The following ARB2A variants were observed in gnomAD, a reference collection of about 807,000 sequenced individuals.
ARB2A encodes the protein ARB2 cotranscriptional regulator A.
the ARB2A span, chr5:93,862,509 T>C: frequency 6.6e-6 from 1 of 152,204 alleles, no homozygotes; most frequent in African/African-American, 2.4e-5. Context: ...TAATTAGATA[T>C]CTACTTTGGG....
At chr5:93,936,006 T>C in the ARB2A span, among the ~76,000 whole-genome samples, 1 of 152,202 alleles carries the variant, frequency 6.6e-6, no homozygotes, top group African/African-American at 2.4e-5. Flanking sequence ...AATTGATACT[T>C]CTGTTAGTAA....
chr5:93,855,031 T>C, the ARB2A span, among the ~76,000 whole-genome samples: 5 of 152,168 alleles, frequency 3.3e-5, 1 homozygote, highest in African/African-American at 1.2e-4. Flanking sequence ...TTCTGTCTTG[T>C]TGATATGTCT....
the ARB2A span, among the ~76,000 whole-genome samples, chr5:93,627,305 TC>T: frequency 6.6e-6 from 1 of 152,118 alleles, no homozygotes; most frequent in South Asian, 2.1e-4. Flanking sequence ...TATTCTGACC[TC>T]CTCCCATGAA....
At chr5:93,919,633 A>G in the ARB2A span, among the ~76,000 whole-genome samples, 4 of 152,206 alleles carry the variant, frequency 2.6e-5, no homozygotes, top group African/African-American at 9.6e-5. Context: ...GAACATTAGT[A>G]TAATTTCTAG....
chr5:93,963,121 T>A, the ARB2A span, among the ~76,000 whole-genome samples: 1 of 151,908 alleles, frequency 6.6e-6, no homozygotes, highest in Non-Finnish European at 1.5e-5. Flanking sequence ...CTGAAAGAAA[T>A]AAAATTAACA....
chr5:93,775,499 T>G, the ARB2A span, among the ~76,000 whole-genome samples: 1 of 152,194 alleles, frequency 6.6e-6, no homozygotes, highest in African/African-American at 2.4e-5. Flanking sequence ...ATACAAAGCC[T>G]TTAGGCTGGA....
At chr5:94,094,981 C>T in the ARB2A span, among the ~76,000 whole-genome samples, 4 of 152,176 alleles carry the variant, frequency 2.6e-5, no homozygotes, top group African/African-American at 9.7e-5. Flanking sequence ...CTCCCCATGA[C>T]GTCATGATCA....
chr5:93,810,035 GCA>G, the ARB2A span, among the ~76,000 whole-genome samples: 102 of 151,976 alleles, frequency 6.7e-4, 1 homozygote, highest in Non-Finnish European at 2.4e-4. Flanking sequence ...GCTTTTAAAA[GCA>G]CATTTTCAAT....
the ARB2A span, among the ~76,000 whole-genome samples, chr5:93,942,259 T>C: frequency 6.6e-6 from 1 of 152,206 alleles, no homozygotes; most frequent in Non-Finnish European, 1.5e-5. Flanking sequence ...TGGCCTCGTA[T>C]ACCTTGTCAA....
chr5:93,865,412 C>T, the ARB2A span: 1 of 985,370 alleles, frequency 1.0e-6, no homozygotes, highest in Middle Eastern at 5.2e-4. Context: ...GTAGAAATTA[C>T]ATGCTTTATT....
chr5:93,881,509 G>T, the ARB2A span: 1 of 1,610,750 alleles, frequency 6.2e-7, no homozygotes, highest in Non-Finnish European at 8.5e-7. Flanking sequence ...CTCTTTGGGG[G>T]TTACGATACT....
chr5:93,990,270 TGAGA>T, the ARB2A span, among the ~76,000 whole-genome samples: 3 of 152,112 alleles, frequency 2.0e-5, no homozygotes, highest in African/African-American at 4.8e-5. Context: ...AAGTAATTTG[TGAGA>T]GAGATAATAT....
the ARB2A span, among the ~76,000 whole-genome samples, chr5:93,627,415 G>T: frequency 6.6e-6 from 1 of 151,042 alleles, no homozygotes; most frequent in Non-Finnish European, 1.5e-5. Flanking sequence ...ACTATCTCTG[G>T]CACCTACAGC....
the ARB2A span, among the ~76,000 whole-genome samples, chr5:93,623,494 C>A: frequency 1.3e-5 from 2 of 152,126 alleles, no homozygotes; most frequent in African/African-American, 4.8e-5. Flanking sequence ...AATTTTAACT[C>A]CTTTATTTCT....
the ARB2A span, among the ~76,000 whole-genome samples, chr5:94,004,680 T>A: frequency 6.6e-6 from 1 of 152,024 alleles, no homozygotes; most frequent in East Asian, 1.9e-4. Flanking sequence ...ATTCTTATTA[T>A]TCCTGGTAGT....
the ARB2A span, among the ~76,000 whole-genome samples, chr5:93,953,043 A>G: frequency 9.3e-4 from 142 of 152,226 alleles, no homozygotes; most frequent in African/African-American, 3.3e-3. Context: ...AGAATTCTGA[A>G]TTCCTTCTCT....
At chr5:93,960,358 C>T in the ARB2A span, among the ~76,000 whole-genome samples, 1 of 151,992 alleles carries the variant, frequency 6.6e-6, no homozygotes, top group African/African-American at 2.4e-5. Flanking sequence ...AAACATGTCC[C>T]GAGAATTCCA....
chr5:93,856,288 T>C, the ARB2A span, among the ~76,000 whole-genome samples: 2 of 152,164 alleles, frequency 1.3e-5, no homozygotes, highest in Non-Finnish European at 2.9e-5. Flanking sequence ...AGGAGTATCT[T>C]TGGGGTGTTC....
chr5:94,050,812 T>C, the ARB2A span: 1 of 1,611,746 alleles, frequency 6.2e-7, no homozygotes, highest in Admixed American at 1.7e-5. Context: ...CCCCAGTTTT[T>C]ATGTGTCTTA....
Sources: gnomAD v4.1 joint callset for allele counts (sites outside exome capture counted in the v4.1 genomes callset) on GRCh38, gnomAD v4.1.1 for gene constraint, MANE v1.5 for transcripts, NCBI Gene and HGNC (gene_info 2026-07-23, HGNC 2026-07-21) for gene names.